Variants in EYA1 observed in about 807,000 individuals in gnomAD.
EYA1 encodes the protein EYA transcriptional coactivator and phosphatase 1, also known as protein phosphatase EYA1.
Under a neutral mutation model 82.0 loss-of-function variants are expected in EYA1, and 16 were observed. That is an observed-to-expected ratio of 0.20 (90% CI 0.13 to 0.30). The LOEUF (loss-of-function observed/expected upper bound fraction) is 0.30, where lower values mean the gene tolerates loss of function less well. EYA1 is among the 10% of genes least tolerant of loss of function. The pLI, the probability that EYA1 is intolerant of heterozygous loss-of-function variation, is 1.00. For missense variants in EYA1, 633 were observed against 730.7 expected, an observed-to-expected ratio of 0.87 and a Z score of 1.54; for synonymous variants, 261 against 264.4, an observed-to-expected ratio of 0.99 and a Z score of 0.12.
At chr8:71,442,731 C>T (rs1017739379) in intron 2 of EYA1, among the ~76,000 whole-genome samples, 1 of 152,062 alleles carries the variant, frequency 6.6e-6, no homozygotes, top group Non-Finnish European at 1.5e-5. Context: ...GATGTTACTA[C>T]CATAACGATT....
At chr8:71,468,624 T>C (rs1184605988) in intron 2 of EYA1, among the ~76,000 whole-genome samples, 1 of 152,134 alleles carries the variant, frequency 6.6e-6, no homozygotes, top group African/African-American at 2.4e-5. Flanking sequence ...ATAAAAGATA[T>C]TTGTAATGCC....
At chr8:71,271,964 T>G in intron 9 of EYA1, 67 bp from the exon 10 acceptor site, 1 of 1,565,758 alleles carries the variant, frequency 6.4e-7, no homozygotes, top group East Asian at 2.2e-5. Flanking sequence ...TTAGCCTTGT[T>G]TTAATTCACA....
intron 12 of EYA1, among the ~76,000 whole-genome samples, chr8:71,234,165 AG>A (rs1479989053): frequency 6.6e-6 from 1 of 152,190 alleles, no homozygotes; most frequent in African/African-American, 2.4e-5. Context: ...TTGCTATCCA[AG>A]GACTTCTTTC....
intron 2 of EYA1, among the ~76,000 whole-genome samples, chr8:71,400,191 C>A (rs1033172930): frequency 2.0e-5 from 3 of 151,952 alleles, no homozygotes; most frequent in Non-Finnish European, 4.4e-5. Context: ...ACTATAAAAA[C>A]CCTAGATGAA....
chr8:71,385,484 T>C (rs2129104687), intron 2 of EYA1, among the ~76,000 whole-genome samples: 1 of 152,316 alleles, frequency 6.6e-6, no homozygotes, highest in South Asian at 2.1e-4. Context: ...GTTACAACTA[T>C]CTAAACTGTC....
At chr8:71,447,212 C>G (rs1215935031) in intron 2 of EYA1, among the ~76,000 whole-genome samples, 4 of 151,918 alleles carry the variant, frequency 2.6e-5, no homozygotes, top group Non-Finnish European at 5.9e-5. Flanking sequence ...GGGTCTTCAG[C>G]TTTCTCAACT....
intron 11 of EYA1, among the ~76,000 whole-genome samples, chr8:71,251,607 T>C (rs1478546257): frequency 6.6e-6 from 1 of 152,196 alleles, no homozygotes; most frequent in Non-Finnish European, 1.5e-5. Context: ...TAACATTATG[T>C]AGAAAAAGTA....
chr8:71,418,727 G>T (rs1830987618), intron 2 of EYA1, among the ~76,000 whole-genome samples: 2 of 152,140 alleles, frequency 1.3e-5, no homozygotes, highest in Non-Finnish European at 2.9e-5. Flanking sequence ...GGATCTTCTG[G>T]CAGGAGAGGC....
At chr8:71,382,882 C>T (rs1418916318) in intron 2 of EYA1, among the ~76,000 whole-genome samples, 2 of 151,982 alleles carry the variant, frequency 1.3e-5, no homozygotes, top group Non-Finnish European at 1.5e-5. Context: ...AGTATTATAA[C>T]AGTAGAAAAT....
chr8:71,489,691 C>G (rs901584597), intron 2 of EYA1, among the ~76,000 whole-genome samples: 1 of 152,230 alleles, frequency 6.6e-6, no homozygotes, highest in Non-Finnish European at 1.5e-5. Context: ...AGAACATGAA[C>G]ACATTTTTAA....
chr8:71,203,643 C>CG (rs1807361062), intron 17 of EYA1, among the ~76,000 whole-genome samples: 1 of 152,146 alleles, frequency 6.6e-6, no homozygotes, highest in African/African-American at 2.4e-5. Flanking sequence ...CTTGGAATAT[C>CG]TAACTAAGGA....
chr8:71,366,403 G>A (rs2129084723), upstream of EYA1, among the ~76,000 whole-genome samples: 2 of 152,280 alleles, frequency 1.3e-5, no homozygotes, highest in East Asian at 3.9e-4. Context: ...TCAGCGATAA[G>A]TTATTTTGCT....
chr8:71,384,560 A>C (rs1453170627), intron 2 of EYA1, among the ~76,000 whole-genome samples: 1 of 152,222 alleles, frequency 6.6e-6, no homozygotes, highest in Non-Finnish European at 1.5e-5. Context: ...CTCGATGGGA[A>C]TATGAGCTTC....
intron 16 of EYA1, 117 bp downstream of exon 16, chr8:71,215,270 G>A: frequency 2.1e-6 from 2 of 967,646 alleles, no homozygotes; most frequent in Middle Eastern, 3.2e-4. Context: ...AATTATTCTT[G>A]TATTTTTTTT....
chr8:71,217,102 A>G, intron 12 of EYA1, 79 bp from the exon 13 acceptor site: 2 of 1,080,260 alleles, frequency 1.9e-6, no homozygotes, highest in Non-Finnish European at 2.9e-6. Flanking sequence ...AAAACCATAC[A>G]TATTTTTTAA....
intron 12 of EYA1, among the ~76,000 whole-genome samples, chr8:71,221,595 A>C (rs16937518): frequency 0.15 from 22,252 of 152,228 alleles, 1,986 homozygotes; most frequent in East Asian, 0.26. Context: ...GCCAATTTTC[A>C]CATACAGGTA....
At chr8:71,461,768 G>A (rs1192446194) in intron 2 of EYA1, among the ~76,000 whole-genome samples, 1 of 152,132 alleles carries the variant, frequency 6.6e-6, no homozygotes, top group Non-Finnish European at 1.5e-5. Context: ...TCCTGAGGGG[G>A]TAGCTCTATT....
intron 7 of EYA1, among the ~76,000 whole-genome samples, chr8:71,315,476 T>C (rs1441340620): frequency 6.6e-6 from 1 of 152,198 alleles, no homozygotes; most frequent in African/African-American, 2.4e-5. Flanking sequence ...GAGACCTGGA[T>C]ACCACGGGCA....
chr8:71,392,888 TCTC>T, intron 2 of EYA1, among the ~76,000 whole-genome samples: 1 of 152,294 alleles, frequency 6.6e-6, no homozygotes, highest in Middle Eastern at 3.4e-3. Context: ...GTTTACTCAA[TCTC>T]CTCATTTTTC....
Sources: allele counts gnomAD v4.1 joint callset (sites outside exome capture counted in the v4.1 genomes callset), GRCh38; gene constraint gnomAD v4.1.1; transcripts MANE v1.5; gene names NCBI Gene and HGNC (gene_info 2026-07-23, HGNC 2026-07-21).